The following MMP20 variants were observed in gnomAD, a reference collection of about 807,000 sequenced individuals.
The protein encoded by MMP20 is matrix metallopeptidase 20.
A neutral mutation model predicts 51.8 loss-of-function variants in MMP20; 50 were observed. That is an observed-to-expected ratio of 0.97 (90% CI 0.77 to 1.22). The LOEUF is 1.22. MMP20 is among the 50% of genes most tolerant of loss of function. MMP20 has a pLI of 0.00. For missense variants in MMP20, 663 were observed against 601.4 expected (o/e 1.10, Z -1.07); for synonymous variants, 244 against 216.2 (o/e 1.13, Z -1.13).
chr11:102,598,949 C>T (rs1164938427), intron 6 of MMP20, among the ~76,000 whole-genome samples: 1 of 151,974 alleles, frequency 6.6e-6, no homozygotes, highest in African/African-American at 2.4e-5. Flanking sequence ...GTCTCACACT[C>T]TCTTAGATTC....
chr11:102,596,391 G>C (rs1859380873), intron 6 of MMP20, among the ~76,000 whole-genome samples: 1 of 152,180 alleles, frequency 6.6e-6, no homozygotes, highest in African/African-American at 2.4e-5. Flanking sequence ...GCCTCTCCAA[G>C]CCTCAGTTTA....
intron 6 of MMP20, among the ~76,000 whole-genome samples, chr11:102,603,204 G>A (rs974282390): frequency 6.6e-6 from 1 of 152,190 alleles, no homozygotes; most frequent in African/African-American, 2.4e-5. Flanking sequence ...TTGGTGACGG[G>A]GAATTCCAGG....
Position 102,577,433 on chromosome 11 carries a change from G to A in MMP20, c.1352-7C>T, listed in dbSNP as rs1292135343. 6.3e-7 allele frequency: 1 copy of A among 1,599,354 alleles called. No individual in the cohort carries two copies. The highest frequency in any genetic ancestry group is 8.6e-7 in the Non-Finnish European group (1 of 1,166,764). ...GAAAAGAAGTAAATGTAGCCTAAAA[G>A]AGACAAAGTTGAAATTGGGTTACTG... On this transcript the variant is annotated splice_polypyrimidine_tract_variant and splice_region_variant and intron_variant, in intron 9 of 9. Coordinates refer to ENST00000260228, the MANE Select transcript of MMP20 (RefSeq NM_004771.4).
At chr11:102,617,639 T>G (rs909808622) in intron 1 of MMP20, among the ~76,000 whole-genome samples, 9 of 152,316 alleles carry the variant, frequency 5.9e-5, no homozygotes, top group Admixed American at 3.3e-4. Flanking sequence ...GTGTTTAGTA[T>G]GTGGGCTGGA....
intron 8 of MMP20, among the ~76,000 whole-genome samples, chr11:102,589,553 A>G (rs1431881933): frequency 6.6e-6 from 1 of 152,202 alleles, no homozygotes; most frequent in Admixed American, 6.5e-5. Flanking sequence ...TCAATGCCAT[A>G]ATTCTAGGAA....
chr11:102,599,846 A>T (rs1476537183), intron 6 of MMP20, among the ~76,000 whole-genome samples: 1 of 152,250 alleles, frequency 6.6e-6, no homozygotes, highest in Non-Finnish European at 1.5e-5. Context: ...AATATAGTTC[A>T]TACAACTAAA....
At chr11:102,623,485 G>A (rs376976642) in intron 1 of MMP20, among the ~76,000 whole-genome samples, 1 of 152,160 alleles carries the variant, frequency 6.6e-6, no homozygotes, top group African/African-American at 2.4e-5. Flanking sequence ...GATGATCTGA[G>A]GTGGAACAGT....
chr11:102,579,196 T>C, intron 8 of MMP20, 54 bp from the exon 9 acceptor site: 2 of 1,234,010 alleles, frequency 1.6e-6, no homozygotes, highest in Non-Finnish European at 2.4e-6. Flanking sequence ...TTACTGGTTG[T>C]AGATGACACT....
At chr11:102,584,946 A>C (rs909933456) in intron 8 of MMP20, among the ~76,000 whole-genome samples, 1 of 152,064 alleles carries the variant, frequency 6.6e-6, no homozygotes, top group Non-Finnish European at 1.5e-5. Context: ...ACATGGCTTT[A>C]TTTCCTTACT....
intron 6 of MMP20, among the ~76,000 whole-genome samples, chr11:102,602,732 C>T (rs1195491735): frequency 1.3e-5 from 2 of 152,138 alleles, no homozygotes; most frequent in Non-Finnish European, 2.9e-5. Context: ...TATGATCAAC[C>T]TTTATGCTTA....
rs556613900 is a variant in MMP20, at chr11:102,585,573, C to T, written c.1248-6431G>A. On this transcript the variant is annotated intron_variant, in intron 8 of 9. Coordinates refer to ENST00000260228, the MANE Select transcript of MMP20 (RefSeq NM_004771.4). ...AAAAGAAATAGTTTTACTTTCTCTCCTATCTGGATAATTTTTATTTCATTC... is the reference window on the plus strand; with the variant it reads ...AAAAGAAATAGTTTTACTTTCTCTCTTATCTGGATAATTTTTATTTCATTC... 3.9e-5 allele frequency among the ~76,000 whole-genome samples: 6 copies of T among 152,216 alleles called. No homozygotes were observed. In the East Asian group the frequency reaches 1.2e-3, roughly 29 times the overall value.
intron 1 of MMP20, among the ~76,000 whole-genome samples, chr11:102,622,918 T>C (rs929451200): frequency 6.6e-6 from 1 of 152,226 alleles, no homozygotes; most frequent in Non-Finnish European, 1.5e-5. Flanking sequence ...ATTAAATAAT[T>C]GTTTCCTGTC....
intron 6 of MMP20, among the ~76,000 whole-genome samples, chr11:102,601,379 G>A (rs111531024): frequency 2.7e-5 from 1 of 37,314 alleles, no homozygotes; most frequent in Non-Finnish European, 7.6e-5. Context: ...TGATCCGCCC[G>A]CCTCGGCCTC....
intron 8 of MMP20, among the ~76,000 whole-genome samples, chr11:102,587,620 T>C (rs952229522): frequency 6.6e-6 from 1 of 152,198 alleles, no homozygotes; most frequent in African/African-American, 2.4e-5. Context: ...CATACATTTT[T>C]GGGGCCCTGT....
chr11:102,609,287 A>C (rs2135941967), intron 4 of MMP20, among the ~76,000 whole-genome samples, 189 bp from the exon 5 acceptor site: 1 of 152,218 alleles, frequency 6.6e-6, no homozygotes, highest in South Asian at 2.1e-4. Flanking sequence ...CCCCTTGGCT[A>C]GAAGGGGGTT....
intron 6 of MMP20, 74 bp from the exon 7 acceptor site, chr11:102,594,831 G>T: frequency 6.4e-7 from 1 of 1,556,724 alleles, no homozygotes; most frequent in South Asian, 1.2e-5. Context: ...ATTGCACTTT[G>T]ACTGAAATGT....
At chr11:102,593,325 G>A in intron 8 of MMP20, 114 bp downstream of exon 8, 2 of 1,027,328 alleles carry the variant, frequency 1.9e-6, no homozygotes, top group Admixed American at 4.4e-5. Context: ...TGGCCGAGAA[G>A]AGTCAACGGG....
In MMP20 at chr11:102,613,439, A is replaced by G. The variant is rs371040179; in HGVS notation, c.375-1536T>C. 3.1e-4 allele frequency among the ~76,000 whole-genome samples: 47 copies of G among 152,350 alleles called. 2 individuals carry two copies. In the East Asian group the frequency reaches 4.4e-3, roughly 14 times the overall value. On this transcript the variant is annotated intron_variant, in intron 2 of 9. Transcript: ENST00000260228. ...CAGATGCTTAGCAATTGCTTGATAA[A>G]TAAATGAATGAATTAAAGAATTAAA...
At chr11:102,589,043 T>A (rs1859284459) in intron 8 of MMP20, among the ~76,000 whole-genome samples, 1 of 152,198 alleles carries the variant, frequency 6.6e-6, no homozygotes, top group Non-Finnish European at 1.5e-5. Context: ...GTATTTAACA[T>A]GTCCCTCTTC....
Sources: allele counts gnomAD v4.1 joint callset (sites outside exome capture counted in the v4.1 genomes callset), GRCh38; gene constraint gnomAD v4.1.1; transcripts MANE v1.5; gene names NCBI Gene and HGNC (gene_info 2026-07-23, HGNC 2026-07-21).